Variants in CDH11 observed in about 807,000 individuals in gnomAD.
CDH11 encodes the protein cadherin 11.
Under a neutral mutation model 67.8 loss-of-function variants are expected in CDH11, and 11 were observed. That is an observed-to-expected ratio of 0.16 (90% CI 0.10 to 0.27). CDH11 has a LOEUF of 0.27. Ranked by LOEUF, CDH11 falls within the 10% of genes least tolerant of loss-of-function variation. CDH11 has a pLI of 1.00. For synonymous variants in CDH11, 419 were observed against 400.0 expected, an observed-to-expected ratio of 1.05 and a Z score of -0.57; for missense variants, 847 against 1,031.2, an observed-to-expected ratio of 0.82 and a Z score of 2.45.
chr16:65,101,169 T>C (rs999945864), intron 1 of CDH11, among the ~76,000 whole-genome samples: 1 of 152,202 alleles, frequency 6.6e-6, no homozygotes, highest in Non-Finnish European at 1.5e-5. Flanking sequence ...AAACTTGTTC[T>C]CCACATTTGT....
At chr16:65,099,170 C>T (rs539589304) in intron 1 of CDH11, among the ~76,000 whole-genome samples, 3 of 152,150 alleles carry the variant, frequency 2.0e-5, no homozygotes, top group Admixed American at 2.0e-4. Context: ...ACATAGACGG[C>T]TGTACGATAA....
chr16:64,952,035 T>C (rs1040656410), intron 11 of CDH11, among the ~76,000 whole-genome samples: 1 of 152,226 alleles, frequency 6.6e-6, no homozygotes, highest in Non-Finnish European at 1.5e-5. Context: ...TTTTTCCACA[T>C]GGACCAGTTC....
intron 1 of CDH11, among the ~76,000 whole-genome samples, chr16:65,073,433 A>C (rs2074454325): frequency 6.6e-6 from 1 of 152,164 alleles, no homozygotes; most frequent in Non-Finnish European, 1.5e-5. Context: ...GGTATGAGCC[A>C]ACACATCCAG....
intron 1 of CDH11, among the ~76,000 whole-genome samples, chr16:65,113,670 G>A (rs2075197727): frequency 6.6e-6 from 1 of 152,128 alleles, no homozygotes; most frequent in Admixed American, 6.5e-5. Flanking sequence ...TGAGAGGTCT[G>A]GAAACTGTAT....
chr16:65,030,921 T>C (rs1480481858), intron 2 of CDH11, among the ~76,000 whole-genome samples: 3 of 152,154 alleles, frequency 2.0e-5, no homozygotes, highest in African/African-American at 7.2e-5. Flanking sequence ...GGAAGGATCT[T>C]TCATTCCCCC....
Position 64,946,762 on chromosome 16 carries a change from T to C in CDH11, c.*841A>G, listed in dbSNP as rs963663972. ...AAATACTTAACGTTTGTTTCAATGT[T>C]AAGAATCAAACCCAGAATTAAAAAA... On this transcript the variant is annotated 3_prime_UTR_variant, in exon 13 of 13. Coordinates refer to ENST00000268603, the MANE Select transcript of CDH11 (RefSeq NM_001797.4). 2.2e-6 allele frequency: 2 copies of C among 901,544 alleles called. No homozygotes were observed. The allele number at this position is 901,544 out of a possible 1,614,324, so 55.8% of individuals were successfully genotyped here. A position where few individuals can be genotyped will look rare whatever the true frequency, so the allele number is the denominator to read the frequency against.
intron 1 of CDH11, among the ~76,000 whole-genome samples, chr16:65,080,003 C>T (rs2074582113): frequency 6.6e-6 from 1 of 152,012 alleles, no homozygotes; most frequent in African/African-American, 2.4e-5. Context: ...GACTTAGTGT[C>T]AAAATTTTAG....
rs1312823462 is a variant in CDH11, at chr16:64,945,317, A to G, written c.*2286T>C. 2.3e-5 allele frequency: 11 copies of G among 474,810 alleles called. No individual in the cohort carries two copies. The highest frequency in any genetic ancestry group is 9.4e-5 in the East Asian group (1 of 10,634). The allele number at this position is 474,810 out of a possible 1,614,324, so 29.4% of individuals were successfully genotyped here. A position where few individuals can be genotyped will look rare whatever the true frequency, so the allele number is the denominator to read the frequency against. The stretch of plus-strand genomic sequence containing the variant: ...AATAAAAGGTAAAAAAAAAAAAAAA[A>G]AAGAAAAAGAAAAACAAGTATTCTT... On this transcript the variant is annotated 3_prime_UTR_variant, in exon 13 of 13. Transcript: ENST00000268603.
intron 1 of CDH11, among the ~76,000 whole-genome samples, chr16:65,094,167 A>G (rs1373301567): frequency 6.6e-6 from 1 of 152,250 alleles, no homozygotes; most frequent in African/African-American, 2.4e-5. Flanking sequence ...ATGAAGGGAA[A>G]GTAAAAGTAA....
chr16:65,072,708 C>T (rs921245579), intron 1 of CDH11, among the ~76,000 whole-genome samples: 1 of 152,124 alleles, frequency 6.6e-6, no homozygotes, highest in Non-Finnish European at 1.5e-5. Flanking sequence ...TGCTTTAGAA[C>T]TTTAAAAACA....
intron 2 of CDH11, among the ~76,000 whole-genome samples, chr16:65,046,836 G>A (rs1874458): frequency 0.26 from 40,083 of 152,086 alleles, 6,055 homozygotes; most frequent in Middle Eastern, 0.36. Context: ...GGCTGGGCGC[G>A]GTGACTCAGG....
At chr16:65,033,948 G>T (rs1329142695) in intron 2 of CDH11, among the ~76,000 whole-genome samples, 2 of 152,106 alleles carry the variant, frequency 1.3e-5, no homozygotes, top group African/African-American at 2.4e-5. Context: ...CTTACACTTG[G>T]ATGCCTTCAA....
chr16:65,094,013 C>A (rs535870758), intron 1 of CDH11, among the ~76,000 whole-genome samples: 31 of 152,182 alleles, frequency 2.0e-4, no homozygotes, highest in Non-Finnish European at 3.8e-4. Context: ...CAATGATTGG[C>A]CTTGTGAAGA....
chr16:64,968,658 G>T, intron 11 of CDH11: 2 of 563,062 alleles, frequency 3.6e-6, no homozygotes, highest in Non-Finnish European at 4.5e-6. Context: ...AACGCTGAAT[G>T]CTTATGCCGG....
At chr16:65,080,025 T>A (rs936096908) in intron 1 of CDH11, among the ~76,000 whole-genome samples, 1 of 152,238 alleles carries the variant, frequency 6.6e-6, no homozygotes, top group African/African-American at 2.4e-5. Context: ...AAATAAAATG[T>A]ATAAATGAGA....
chr16:65,102,713 G>C (rs2075012596), intron 1 of CDH11, among the ~76,000 whole-genome samples: 1 of 152,216 alleles, frequency 6.6e-6, no homozygotes, highest in African/African-American at 2.4e-5. Flanking sequence ...TGAAGCTTGT[G>C]TCAATGATAG....
chr16:65,031,137 G>A (rs778534664), intron 2 of CDH11, among the ~76,000 whole-genome samples: 4 of 152,190 alleles, frequency 2.6e-5, no homozygotes, highest in African/African-American at 7.2e-5. Context: ...CATGTACCAC[G>A]CTGGATTAGT....
intron 6 of CDH11, among the ~76,000 whole-genome samples, chr16:64,990,558 C>T (rs1486056578): frequency 6.6e-6 from 1 of 152,204 alleles, no homozygotes; most frequent in Non-Finnish European, 1.5e-5. Flanking sequence ...TCTGTACATA[C>T]ATAGACAGAC....
chr16:65,038,557 A>G (rs2073800052), intron 2 of CDH11, among the ~76,000 whole-genome samples: 1 of 152,204 alleles, frequency 6.6e-6, no homozygotes, highest in Non-Finnish European at 1.5e-5. Context: ...AAGAAACAGC[A>G]CTTACTTCTA....
Sources: gnomAD v4.1 joint callset for allele counts (sites outside exome capture counted in the v4.1 genomes callset) on GRCh38, gnomAD v4.1.1 for gene constraint, MANE v1.5 for transcripts, NCBI Gene and HGNC (gene_info 2026-07-23, HGNC 2026-07-21) for gene names.